Variants in TYRP1 observed in about 807,000 individuals in gnomAD.
TYRP1 encodes the protein tyrosinase related protein 1, also known as 5,6-dihydroxyindole-2-carboxylic acid oxidase.
Under a neutral mutation model 42.8 loss-of-function variants are expected in TYRP1, and 49 were observed. The observed-to-expected ratio is 1.14, with a 90% CI of 0.91 to 1.45. The LOEUF (loss-of-function observed/expected upper bound fraction) is 1.45. Ranked by LOEUF, TYRP1 falls within the 40% of genes most tolerant of loss-of-function variation. The pLI is 0.00. For synonymous variants in TYRP1, 279 were observed against 235.4 expected, an observed-to-expected ratio of 1.19 and a Z score of -1.69; for missense variants, 848 against 662.0, an observed-to-expected ratio of 1.28 and a Z score of -3.08.
At chr9:12,706,214 G>A (rs1818255582) in intron 6 of TYRP1, among the ~76,000 whole-genome samples, 1 of 151,942 alleles carries the variant, frequency 6.6e-6, no homozygotes, top group Non-Finnish European at 1.5e-5. Flanking sequence ...GAACTACATG[G>A]CAATGTTCAA....
rs746220547 is a variant in TYRP1 at position 12,698,644 on chromosome 9, C to A, written c.902C>A (p.Thr301Lys). Residue 301 changes from threonine to lysine, a missense_variant, in exon 4 of 8, where the codon ACA becomes AAA. Physicochemically the swap from Thr to Lys is moderately conservative, Grantham distance 78. Coordinates refer to ENST00000388918, the MANE Select transcript of TYRP1 (RefSeq NM_000550.3). Reference sequence around the variant, plus strand: ...TTGGAAGATTATGATACCCTGGGAACACTTTGTAACAGTAAGTTCCAAATG... The same window carrying A: ...TTGGAAGATTATGATACCCTGGGAAAACTTTGTAACAGTAAGTTCCAAATG... ...DSLEDYDTLG[T>K]LCNSTEDGPI... 1.9e-6 allele frequency: 3 copies of A among 1,613,420 alleles called. No homozygotes were observed. Among genetic ancestry groups the A allele is most frequent in the Admixed American group, 1.7e-5 (1 of 59,900 alleles).
At position 12,695,842 on chromosome 9, in the gene TYRP1, G is replaced by C. The variant is rs200596997; in HGVS notation, c.708+5G>C. On this transcript the variant is annotated splice_donor_5th_base_variant and intron_variant, in intron 3 of 7. Coordinates refer to ENST00000388918, the MANE Select transcript of TYRP1 (RefSeq NM_000550.3). Reference sequence around the variant, plus strand: ...CGTCTGGAGAAAGACATGCAGGTATGTAAGAAGCATTTCAGTTTGCAGACT... The same window carrying C: ...CGTCTGGAGAAAGACATGCAGGTATCTAAGAAGCATTTCAGTTTGCAGACT... 3 of 1,613,584 alleles carry C rather than the reference G, an allele frequency of 1.9e-6. No homozygotes were observed. The South Asian group carries it at 3.3e-5, about 18-fold the overall frequency.
intron 3 of TYRP1, among the ~76,000 whole-genome samples, chr9:12,697,522 A>C (rs1818096828): frequency 6.6e-6 from 1 of 152,064 alleles, no homozygotes; most frequent in Admixed American, 6.6e-5. Context: ...CAAGGATAAG[A>C]AAATGCTTCC....
At position 12,703,899 on chromosome 9, in the gene TYRP1, G is replaced by GCA. The variant is rs1277160436; in HGVS notation, c.1082-627_1082-626insCA. On this transcript the variant is annotated intron_variant, in intron 5 of 7. Transcript: ENST00000388918. Reference sequence around the variant, plus strand: ...TATATATATATGTGTGTGTGTGTGTGTGTGTGTGTGTATATATGTGTGTGT... The same window carrying GCA: ...TATATATATATGTGTGTGTGTGTGTGCATGTGTGTGTGTATATATGTGTGTGT... Among the ~76,000 whole-genome samples the GCA allele has an allele frequency of 3.6e-3, 547 of 150,862 alleles. 3 individuals are homozygous for GCA. Among genetic ancestry groups the GCA allele is most frequent in the African/African-American group, 0.013 (520 of 41,022 alleles).
chr9:12,698,521 T>C lies in TYRP1; in HGVS notation c.779T>C (p.Ile260Thr). The C allele has an allele frequency of 6.2e-7, 1 of 1,613,892 alleles. No homozygotes were observed. The highest frequency in any genetic ancestry group is 8.5e-7 in the Non-Finnish European group (1 of 1,179,840). ...NFATGKNVCD[I>T]CTDDLMGSRS... ...GCAACGGGGAAAAATGTCTGTGATA[T>C]CTGCACGGATGACTTGATGGGATCC... is the stretch of plus-strand genomic sequence containing the variant. The change falls in exon 4 of 8, where the codon ATC becomes ACC. Residue 260 changes from isoleucine to threonine, a missense_variant. Transcript: ENST00000388918.
At position 12,709,259 on chromosome 9, in the gene TYRP1, T is replaced by C; in HGVS notation, c.*77T>C. 7.2e-7 allele frequency: 1 copy of C among 1,395,412 alleles called. No individual in the cohort carries two copies. Among genetic ancestry groups the C allele is most frequent in the Non-Finnish European group, 1.0e-6 (1 of 986,788 alleles). 86.4% of individuals were successfully genotyped at this position (1,395,412 alleles called of 1,614,324 possible). ...ATAATAGATTGAGTTATTAACTGTA[T>C]TTTCTTTCACTTTATTACCTTCTTT... is the stretch of plus-strand genomic sequence containing the variant. On this transcript the variant is annotated 3_prime_UTR_variant, in exon 8 of 8. Coordinates refer to ENST00000388918, the MANE Select transcript of TYRP1 (RefSeq NM_000550.3).
At chr9:12,707,928 A>G (rs1209000997) in intron 6 of TYRP1, 69 bp from the exon 7 acceptor site, 3 of 1,472,634 alleles carry the variant, frequency 2.0e-6, no homozygotes, top group Admixed American at 2.0e-5. Flanking sequence ...GGATGCCTTT[A>G]GAACTCAATA....
chr9:12,700,380 A>G (rs1818146708), intron 4 of TYRP1: 1 of 152,100 alleles, frequency 6.6e-6, no homozygotes, highest in South Asian at 2.1e-4. Context: ...TAATGCGCCA[A>G]ACTTGGTGGA....
intron 4 of TYRP1, among the ~76,000 whole-genome samples, chr9:12,701,138 C>G (rs1008084132): frequency 6.6e-6 from 1 of 151,928 alleles, no homozygotes; most frequent in African/African-American, 2.4e-5. Flanking sequence ...CCAATCACCT[C>G]TCCTCCCACC....
rs1400369338 is a variant in TYRP1, at chr9:12,694,169, C to T, written c.173C>T (p.Ser58Leu). The T allele has an allele frequency of 6.2e-6, 10 of 1,613,898 alleles. No homozygotes were observed. Among genetic ancestry groups the T allele is most frequent in the South Asian group, 1.1e-5 (1 of 91,074 alleles). Reference protein sequence around the residue: ...VSGPGTDRCGSSSGRGRCEAV... With the variant: ...VSGPGTDRCGLSSGRGRCEAV... ...GGGCCTGGGACAGACCGCTGTGGCT[C>T]ATCATCAGGGAGGGGCAGATGTGAG... is the stretch of plus-strand genomic sequence containing the variant. Residue 58 changes from serine to leucine, a missense_variant, in exon 2 of 8, where the codon TCA becomes TTA. Ser to Leu is a moderately radical substitution (Grantham distance 145). Transcript: ENST00000388918.
At position 12,695,623 on chromosome 9, in the gene TYRP1, G is replaced by A; in HGVS notation, c.494G>A (p.Arg165Lys). The A allele has an allele frequency of 6.2e-7, 1 of 1,614,188 alleles. No individual in the cohort carries two copies. Among genetic ancestry groups the A allele is most frequent in the Non-Finnish European group, 8.5e-7 (1 of 1,180,030 alleles). Residue 165 changes from arginine (R) to lysine (K), a missense_variant, in exon 3 of 8, where the codon AGA (arginine) becomes AAA (lysine). Arg to Lys is a conservative substitution (Grantham distance 26). Coordinates refer to ENST00000388918, the MANE Select transcript of TYRP1 (RefSeq NM_000550.3). ...THPLFVIATRRSEEILGPDGN... is the reference protein window; with the variant it reads ...THPLFVIATRKSEEILGPDGN... ...CCTTTATTTGTCATTGCCACCAGGA[G>A]ATCAGAAGAAATACTGGGGCCAGAT... is the stretch of plus-strand genomic sequence containing the variant.
intron 4 of TYRP1, chr9:12,701,915 T>C (rs1818175153): frequency 4.5e-6 from 1 of 224,080 alleles, no homozygotes; most frequent in Admixed American, 5.3e-5. Context: ...AGTGTAGAAC[T>C]AGATTTATGA....
intron 3 of TYRP1, among the ~76,000 whole-genome samples, chr9:12,697,249 T>A (rs1388999945): frequency 1.3e-5 from 2 of 152,148 alleles, no homozygotes; most frequent in Non-Finnish European, 2.9e-5. Context: ...AACTTCAACC[T>A]CTATGACTTA....
At chr9:12,705,756 A>G (rs2118263559) in intron 6 of TYRP1, among the ~76,000 whole-genome samples, 1 of 152,112 alleles carries the variant, frequency 6.6e-6, no homozygotes. Context: ...CTGAGGCAGG[A>G]GAATCACTTG....
At chr9:12,704,764 AGT>A (rs1818231655) in intron 6 of TYRP1, 59 bp downstream of exon 6, 4 of 1,531,068 alleles carry the variant, frequency 2.6e-6, no homozygotes, top group Non-Finnish European at 3.6e-6. Flanking sequence ...TAGATGGCAT[AGT>A]TATCAGTTCA....
At chr9:12,707,069 T>C (rs41316029) in intron 6 of TYRP1, among the ~76,000 whole-genome samples, 3 of 152,034 alleles carry the variant, frequency 2.0e-5, no homozygotes, top group African/African-American at 7.2e-5. Flanking sequence ...TGTTAATTTC[T>C]ATTTACTAAC....
At position 12,694,154 on chromosome 9, in the gene TYRP1, C is replaced by A; in HGVS notation, c.158C>A (p.Thr53Lys). 1 of 1,614,074 alleles carries A rather than the reference C, an allele frequency of 6.2e-7. No individual in the cohort carries two copies. The highest frequency in any genetic ancestry group is 8.5e-7 in the Non-Finnish European group (1 of 1,180,032). ...PDLSPVSGPG[T>K]DRCGSSSGRG... ...CTGTCCCCTGTGTCTGGGCCTGGGA[C>A]AGACCGCTGTGGCTCATCATCAGGG... Residue 53 changes from threonine to lysine, a missense_variant, in exon 2 of 8, where the codon ACA becomes AAA. Coordinates refer to ENST00000388918, the MANE Select transcript of TYRP1 (RefSeq NM_000550.3).
rs1299646340 is a variant in TYRP1, at chr9:12,698,612, T to C, written c.870T>C (p.Cys290=). The change falls in exon 4 of 8, where the codon TGT becomes TGC. Residue 290 remains cysteine, a synonymous_variant. Coordinates refer to ENST00000388918, the MANE Select transcript of TYRP1 (RefSeq NM_000550.3). ...NSVFSQWRVV[C]DSLEDYDTLG... Reference sequence around the variant, plus strand: ...TCTTTTCTCAATGGCGAGTGGTCTGTGACTCCTTGGAAGATTATGATACCC... The same window carrying C: ...TCTTTTCTCAATGGCGAGTGGTCTGCGACTCCTTGGAAGATTATGATACCC... 6.2e-7 allele frequency: 1 copy of C among 1,613,814 alleles called. No individual in the cohort carries two copies. The highest frequency in any genetic ancestry group is 2.2e-5 in the East Asian group (1 of 44,850).
intron 7 of TYRP1, among the ~76,000 whole-genome samples, chr9:12,708,435 T>TAAC (rs1037861013): frequency 2.6e-4 from 39 of 151,872 alleles, no homozygotes; most frequent in African/African-American, 8.9e-4. Context: ...TTAAATAGGT[T>TAAC]AACTGTTACA....
Sources: gnomAD v4.1 joint callset for allele counts (sites outside exome capture counted in the v4.1 genomes callset) on GRCh38, gnomAD v4.1.1 for gene constraint, MANE v1.5 for transcripts, NCBI Gene and HGNC (gene_info 2026-07-23, HGNC 2026-07-21) for gene names.